The following ITIH5 variants were observed in gnomAD, a reference collection of about 807,000 sequenced individuals.
ITIH5 encodes inter-alpha-trypsin inhibitor heavy chain H5.
A neutral mutation model predicts 77.5 loss-of-function variants in ITIH5; 65 were observed. The observed-to-expected ratio is 0.84, with a 90% CI of 0.69 to 1.03. The LOEUF is 1.03. ITIH5 is among the 50% of genes least tolerant of loss of function. The pLI, the probability that ITIH5 is intolerant of heterozygous loss-of-function variation, is 0.00. For synonymous variants in ITIH5, 525 were observed against 494.3 expected, an observed-to-expected ratio of 1.06 and a Z score of -0.82; for missense variants, 1,208 against 1,213.1, an observed-to-expected ratio of 1.00 and a Z score of 0.06.
chr10:7,641,710 G>A (rs1261846190), intron 3 of ITIH5, among the ~76,000 whole-genome samples: 1 of 104,248 alleles, frequency 9.6e-6, no homozygotes, highest in Non-Finnish European at 2.0e-5. Context: ...GGGAGGGAGA[G>A]AGGGAGGGAA....
At chr10:7,616,687 G>A (rs1833373674) in intron 6 of ITIH5, among the ~76,000 whole-genome samples, 1 of 152,118 alleles carries the variant, frequency 6.6e-6, no homozygotes, top group African/African-American at 2.4e-5. Context: ...AATTAGTGGG[G>A]CGTGGTGGTG....
intron 11 of ITIH5, among the ~76,000 whole-genome samples, chr10:7,570,770 G>A (rs555864378): frequency 1.1e-4 from 16 of 152,150 alleles, no homozygotes; most frequent in Admixed American, 7.2e-4. Flanking sequence ...CTACAGGCAC[G>A]TGCCACCATG....
At chr10:7,563,826 T>A (rs557148313) in intron 13 of ITIH5, among the ~76,000 whole-genome samples, 1 of 152,328 alleles carries the variant, frequency 6.6e-6, no homozygotes, top group Admixed American at 6.5e-5. Flanking sequence ...ACCCTCGTCC[T>A]CAGGACTCTC....
intron 1 of ITIH5, among the ~76,000 whole-genome samples, chr10:7,662,907 GT>G (rs568146709): frequency 5.3e-4 from 81 of 151,914 alleles, no homozygotes; most frequent in African/African-American, 1.5e-3. Context: ...GATTTTTGTT[GT>G]TTTTTTCCCC....
chr10:7,577,758 T>C (rs1832455035), intron 9 of ITIH5, among the ~76,000 whole-genome samples: 1 of 152,252 alleles, frequency 6.6e-6, no homozygotes, highest in African/African-American at 2.4e-5. Flanking sequence ...TGTTGCTTCC[T>C]TGCTGTGTGT....
At chr10:7,632,391 G>A (rs1833727389) in intron 5 of ITIH5, among the ~76,000 whole-genome samples, 1 of 152,050 alleles carries the variant, frequency 6.6e-6, no homozygotes, top group Admixed American at 6.6e-5. Flanking sequence ...GTACAACTCT[G>A]CCAATGTACT....
At position 7,562,880 on chromosome 10, in the gene ITIH5, T is replaced by C. The variant is rs945436864; in HGVS notation, c.*203A>G. On this transcript the variant is annotated 3_prime_UTR_variant, in exon 14 of 14. Transcript: ENST00000397146. ...GGCAGGAAGAGGCAGTAGAGGGAAATGACATTTGCACTCAGGCTTCCCGCC... is the reference window on the plus strand; with the variant it reads ...GGCAGGAAGAGGCAGTAGAGGGAAACGACATTTGCACTCAGGCTTCCCGCC... 4 of 623,526 alleles carry C rather than the reference T, an allele frequency of 6.4e-6. No homozygotes were observed. In the African/African-American group the frequency reaches 7.3e-5, roughly 11 times the overall value. 38.6% of individuals were successfully genotyped at this position (623,526 alleles called of 1,614,324 possible). A position where few individuals can be genotyped will look rare whatever the true frequency, so the allele number is the denominator to read the frequency against.
rs1026102220 is a variant in ITIH5, at chr10:7,562,762, G to T, written c.*321C>A. The T allele has an allele frequency of 6.4e-6, 2 of 314,498 alleles. No homozygotes were observed. Among genetic ancestry groups the T allele is most frequent in the African/African-American group, 4.1e-5 (2 of 48,260 alleles). The allele number at this position is 314,498 out of a possible 1,614,324, so 19.5% of individuals were successfully genotyped here. ...AGGCTTACTTTATGATATGCTAACA[G>T]AACAGAAAAGCAGGTTGGGACAAGA... On this transcript the variant is annotated 3_prime_UTR_variant, in exon 14 of 14. Transcript: ENST00000397146.
chr10:7,572,607 C>G (rs1406306351), intron 11 of ITIH5, among the ~76,000 whole-genome samples: 2 of 152,046 alleles, frequency 1.3e-5, no homozygotes, highest in Non-Finnish European at 2.9e-5. Flanking sequence ...GCAGCCTCAT[C>G]GGGTTTCCTG....
rs554649800 is a variant in ITIH5, at chr10:7,649,213, C to T, written c.135+6418G>A. On this transcript the variant is annotated intron_variant, in intron 2 of 13. Transcript: ENST00000397146. The stretch of plus-strand genomic sequence containing the variant: ...CCCTTCTTTTCATTCTCCTTCTTCT[C>T]CTCTTTCTTCTTTCTTCTTCCTTCT... Among the ~76,000 whole-genome samples the T allele has an allele frequency of 1.1e-3, 170 of 151,834 alleles. 1 individual carries two copies. Among genetic ancestry groups the T allele is most frequent in the Non-Finnish European group, 1.6e-3 (112 of 67,944 alleles).
At chr10:7,577,103 G>A in intron 9 of ITIH5, 91 bp from the exon 10 acceptor site, 1 of 1,104,142 alleles carries the variant, frequency 9.1e-7, no homozygotes, top group Non-Finnish European at 1.3e-6. Context: ...ACTCTCAGGG[G>A]GATGCATCTG....
intron 7 of ITIH5, among the ~76,000 whole-genome samples, chr10:7,598,867 T>C (rs1832960384): frequency 6.6e-6 from 1 of 152,228 alleles, no homozygotes; most frequent in Non-Finnish European, 1.5e-5. Flanking sequence ...TAGGTTTAGA[T>C]ATTAAAACAT....
rs1028132377 is a variant in ITIH5, at chr10:7,563,315, G to C, written c.2597C>G (p.Pro866Arg). The change falls in exon 14 of 14, where the codon CCT becomes CGT. Residue 866 changes from proline (P) to arginine (R), a missense_variant. Coordinates refer to ENST00000397146, the MANE Select transcript of ITIH5 (RefSeq NM_030569.7). ...CCCCTCTCCCACCTGAAGGAGCAGA[G>C]GGTGAGTGAGGTTCTGGCTGGGCCC... Reference protein sequence around the residue: ...PAGPSQNLTHPLLLQVGEGPE... With the variant: ...PAGPSQNLTHRLLLQVGEGPE... The C allele has an allele frequency of 6.2e-7, 1 of 1,614,090 alleles. No individual in the cohort carries two copies. The highest frequency in any genetic ancestry group is 1.3e-5 in the African/African-American group (1 of 74,944).
chr10:7,627,827 CTTTTTTTTTTTTTTT>C (rs869139058), intron 5 of ITIH5, among the ~76,000 whole-genome samples: 2 of 90,804 alleles, frequency 2.2e-5, no homozygotes, highest in African/African-American at 9.9e-5. Context: ...TGAAATTAAC[CTTTTTTTTTTTTTTT>C]TTTTTTTTTT....
chr10:7,599,159 T>A (rs1450209001), intron 7 of ITIH5, among the ~76,000 whole-genome samples: 1 of 152,254 alleles, frequency 6.6e-6, no homozygotes, highest in Admixed American at 6.5e-5. Context: ...GGGCTAGAAA[T>A]AGATTTTTTT....
Position 7,640,807 on chromosome 10 carries a change from C to G in ITIH5, c.348G>C (p.Lys116Asn), listed in dbSNP as rs146396908. The change falls in exon 4 of 14, where the codon AAG becomes AAC. Residue 116 changes from lysine to asparagine, a missense_variant. Coordinates refer to ENST00000397146, the MANE Select transcript of ITIH5 (RefSeq NM_030569.7). ...TCTCTTTTACCCTATCACCACTCTT[C>G]TTTTCTCTCTCTGTAATTTCGCCCT... Reference protein sequence around the residue: ...VYQGEITEREKKSGDRVKEKR... With the variant: ...VYQGEITERENKSGDRVKEKR... 731 of 1,613,322 alleles carry G rather than the reference C, an allele frequency of 4.5e-4. 2 individuals carry two copies. The highest frequency in any genetic ancestry group is 5.9e-4 in the Non-Finnish European group (696 of 1,179,392).
Position 7,580,097 on chromosome 10 carries a change from T to C in ITIH5, c.1109-33A>G, listed in dbSNP as rs947352700. 4.6e-6 allele frequency: 7 copies of C among 1,536,644 alleles called. No individual in the cohort carries two copies. In the Admixed American group the frequency reaches 5.7e-5, roughly 13 times the overall value. ...ACACCAACACGGAACAGCTCAAGCC[T>C]CTGCACTCACCTCCGCACTCTGATT... On this transcript the variant is annotated intron_variant, in intron 8 of 13. Coordinates refer to ENST00000397146, the MANE Select transcript of ITIH5 (RefSeq NM_030569.7).
chr10:7,651,998 A>G (rs1412138325), intron 2 of ITIH5, among the ~76,000 whole-genome samples: 1 of 152,174 alleles, frequency 6.6e-6, no homozygotes, highest in African/African-American at 2.4e-5. Flanking sequence ...AAACTGTAGA[A>G]CACCTGCTGC....
intron 7 of ITIH5, among the ~76,000 whole-genome samples, chr10:7,610,180 C>A (rs1446818228): frequency 6.8e-6 from 1 of 147,452 alleles, no homozygotes; most frequent in Non-Finnish European, 1.5e-5. Flanking sequence ...CATCTCTCAA[C>A]AAACTCATCT....
Sources: allele counts gnomAD v4.1 joint callset (sites outside exome capture counted in the v4.1 genomes callset), GRCh38; gene constraint gnomAD v4.1.1; transcripts MANE v1.5; gene names NCBI Gene and HGNC (gene_info 2026-07-23, HGNC 2026-07-21).